The following PDILT variants were observed in gnomAD, a reference collection of about 807,000 sequenced individuals.
PDILT encodes the protein protein disulfide-isomerase-like protein of the testis.
PDILT carries 43 observed loss-of-function variants against 53.7 expected under a neutral mutation model. The ratio of observed to expected loss-of-function variants is 0.80; its 90% CI spans 0.63 to 1.03. PDILT has a LOEUF of 1.03. Ranked by LOEUF, PDILT falls within the 50% of genes least tolerant of loss-of-function variation. The probability of loss-of-function intolerance (pLI) is 0.00; values close to 1 mark genes in which losing one functional copy is unlikely to be tolerated. For missense variants in PDILT, 727 were observed against 712.3 expected (o/e 1.02, Z -0.24); for synonymous variants, 282 against 274.2 (o/e 1.03, Z -0.28).
chr16:20,388,998 A>G, intron 2 of PDILT: 1 of 152,122 alleles, frequency 6.6e-6, no homozygotes, highest in Non-Finnish European at 1.5e-5. Flanking sequence ...ATGAATGCAT[A>G]CACTCCTCAG....
intron 1 of PDILT, among the ~76,000 whole-genome samples, chr16:20,399,858 C>A (rs930984053): frequency 1.3e-5 from 2 of 151,800 alleles, no homozygotes; most frequent in African/African-American, 2.4e-5. Context: ...ATAATACACA[C>A]TTGTAAAAGT....
chr16:20,404,523 G>A lies in PDILT; in HGVS notation c.-35C>T, dbSNP rs576520081. 1 of 152,406 alleles carries A rather than the reference G, an allele frequency of 6.6e-6. No individual in the cohort carries two copies. Among genetic ancestry groups the A allele is most frequent in the African/African-American group, 2.4e-5 (1 of 41,552 alleles). 9.4% of individuals were successfully genotyped at this position (152,406 alleles called of 1,614,324 possible). A position where few individuals can be genotyped will look rare whatever the true frequency, so the allele number is the denominator to read the frequency against. The stretch of plus-strand genomic sequence containing the variant: ...GCAGGAAGCCAAGGCCACTCCCAGG[G>A]TTCCTGGGGCCAAGGTGGGGCTGTG... On this transcript the variant is annotated 5_prime_UTR_variant, in exon 1 of 12. Transcript: ENST00000302451.
chr16:20,373,210 G>C, intron 5 of PDILT, 88 bp from the exon 6 acceptor site: 1 of 1,135,340 alleles, frequency 8.8e-7, no homozygotes, highest in South Asian at 1.4e-5. Flanking sequence ...TTTCTCCTTG[G>C]ATAAAAGGAA....
At chr16:20,402,333 C>G (rs1966753783) in intron 1 of PDILT, among the ~76,000 whole-genome samples, 1 of 135,678 alleles carries the variant, frequency 7.4e-6, no homozygotes, top group African/African-American at 3.0e-5. Context: ...GGGTCTCGCT[C>G]TGTCGCCCAG....
At chr16:20,385,880 G>A (rs1408407854) in intron 2 of PDILT, 1 of 152,228 alleles carries the variant, frequency 6.6e-6, no homozygotes, top group Admixed American at 6.5e-5. Flanking sequence ...AAAAAATTCT[G>A]TGGTCAGAAA....
intron 7 of PDILT, among the ~76,000 whole-genome samples, chr16:20,370,108 AATT>A (rs1043585885): frequency 5.3e-5 from 8 of 152,236 alleles, no homozygotes; most frequent in Non-Finnish European, 8.8e-5. Context: ...TTATTTGAAT[AATT>A]ATTATTCAAA....
At chr16:20,362,092 A>G (rs1344507515) in intron 10 of PDILT, among the ~76,000 whole-genome samples, 1 of 152,192 alleles carries the variant, frequency 6.6e-6, no homozygotes, top group East Asian at 1.9e-4. Context: ...TCAGATAGTT[A>G]GGGCAGAGCT....
At chr16:20,372,727 G>A in intron 7 of PDILT, 75 bp downstream of exon 7, 1 of 1,521,484 alleles carries the variant, frequency 6.6e-7, no homozygotes, top group Non-Finnish European at 8.9e-7. Context: ...AGCAGGGCAG[G>A]CAAATGGGCT....
chr16:20,384,961 G>A (rs370848242), intron 2 of PDILT, 110 bp from the exon 3 acceptor site: 59 of 987,152 alleles, frequency 6.0e-5, no homozygotes, highest in Admixed American at 2.3e-4. Context: ...TGTGCTCAGC[G>A]GTTAATGGCT....
chr16:20,365,308 G>T, intron 9 of PDILT, 112 bp downstream of exon 9: 1 of 1,203,544 alleles, frequency 8.3e-7, no homozygotes, highest in African/African-American at 1.5e-5. Context: ...GACCATCCTT[G>T]GCATGGTGCA....
Position 20,384,837 on chromosome 16 carries a change from T to C in PDILT, c.217A>G (p.Lys73Glu), listed in dbSNP as rs146719463. The C allele has an allele frequency of 2.1e-4, 343 of 1,614,186 alleles. 1 individual carries two copies. The Middle Eastern group carries it at 2.1e-3, about 10-fold the overall frequency. The change falls in exon 3 of 12, where the codon AAG becomes GAG. Residue 73 changes from lysine to glutamate, a missense_variant. Transcript: ENST00000302451. Reference protein sequence around the residue: ...LMVLFHNPSSKQSRNLAEELG... With the variant: ...LMVLFHNPSSEQSRNLAEELG... ...TCTTCCGCCAAGTTCCTGGATTGCTTTGAGGATGGGTTGTCTGAAAGAGTA... is the reference window on the plus strand; with the variant it reads ...TCTTCCGCCAAGTTCCTGGATTGCTCTGAGGATGGGTTGTCTGAAAGAGTA...
chr16:20,360,826 TA>T (rs1347541012), intron 10 of PDILT, among the ~76,000 whole-genome samples, 169 bp from the exon 11 acceptor site: 1 of 152,136 alleles, frequency 6.6e-6, no homozygotes, highest in Non-Finnish European at 1.5e-5. Context: ...GGAAGGATAA[TA>T]AAAATGCTTC....
chr16:20,361,460 C>T lies in PDILT; in HGVS notation c.1417-803G>A, dbSNP rs560184675. Reference sequence around the variant, plus strand: ...AGGCTCCCAACGTAATGAGATTACACGCGTTGAGACACCACGCCCGACTCC... The same window carrying T: ...AGGCTCCCAACGTAATGAGATTACATGCGTTGAGACACCACGCCCGACTCC... On this transcript the variant is annotated intron_variant, in intron 10 of 11. Coordinates refer to ENST00000302451, the MANE Select transcript of PDILT (RefSeq NM_174924.2). Among the ~76,000 whole-genome samples the T allele has an allele frequency of 5.3e-5, 8 of 152,098 alleles. No individual in the cohort carries two copies. The South Asian group carries it at 1.5e-3, about 28-fold the overall frequency.
intron 1 of PDILT, among the ~76,000 whole-genome samples, chr16:20,400,516 A>C (rs1421481076): frequency 1.3e-5 from 2 of 149,762 alleles, no homozygotes; most frequent in Non-Finnish European, 3.0e-5. Flanking sequence ...ACTCAATCTC[A>C]CTCCAGACCA....
intron 7 of PDILT, 130 bp from the exon 8 acceptor site, chr16:20,369,819 C>T: frequency 1.1e-6 from 1 of 883,264 alleles, no homozygotes; most frequent in Non-Finnish European, 1.8e-6. Flanking sequence ...GTAACAAAGG[C>T]AGGTGGAGCT....
In PDILT at chr16:20,373,133, A is replaced by G. The variant is rs751375287; in HGVS notation, c.682-11T>C. 3.7e-6 allele frequency: 6 copies of G among 1,604,000 alleles called. No homozygotes were observed. The Admixed American group carries it at 5.0e-5, about 13-fold the overall frequency. Reference sequence around the variant, plus strand: ...GTTCACAATTTTTCCCTTGTACAAAAGGAGAAACATATTGGAGGACAGTAG... The same window carrying G: ...GTTCACAATTTTTCCCTTGTACAAAGGGAGAAACATATTGGAGGACAGTAG... On this transcript the variant is annotated splice_polypyrimidine_tract_variant and intron_variant, in intron 5 of 11. Coordinates refer to ENST00000302451, the MANE Select transcript of PDILT (RefSeq NM_174924.2).
chr16:20,394,337 T>C (rs962867451), intron 2 of PDILT, among the ~76,000 whole-genome samples: 1 of 152,192 alleles, frequency 6.6e-6, no homozygotes, highest in Non-Finnish European at 1.5e-5. Context: ...TGCCCAGCTT[T>C]GAGTTGTTTC....
Position 20,373,062 on chromosome 16 carries a change from G to T in PDILT, c.742C>A (p.Arg248Ser). The T allele has an allele frequency of 6.2e-7, 1 of 1,614,124 alleles. No individual in the cohort carries two copies. Among genetic ancestry groups the T allele is most frequent in the Non-Finnish European group, 8.5e-7 (1 of 1,179,994 alleles). ...TCTGTAAGGTGCTGTTTTATGACACGATTGAGTTCCTGTTTGTTGGTACTG... is the reference window on the plus strand; with the variant it reads ...TCTGTAAGGTGCTGTTTTATGACACTATTGAGTTCCTGTTTGTTGGTACTG... ...NDSTNKQELNRVIKQHLTDFV... is the reference protein window; with the variant it reads ...NDSTNKQELNSVIKQHLTDFV... Residue 248 changes from arginine (R) to serine (S), a missense_variant, in exon 6 of 12, where the codon CGT becomes AGT. By Grantham distance (110) the Arg-to-Ser change is moderately radical (BLOSUM62 -1). Coordinates refer to ENST00000302451, the MANE Select transcript of PDILT (RefSeq NM_174924.2).
At chr16:20,368,545 C>T (rs1966251391) in intron 8 of PDILT, among the ~76,000 whole-genome samples, 1 of 152,016 alleles carries the variant, frequency 6.6e-6, no homozygotes, top group Admixed American at 6.6e-5. Context: ...GGTAAGGGGA[C>T]CATCATTTGG....
Sources: allele counts gnomAD v4.1 joint callset (sites outside exome capture counted in the v4.1 genomes callset), GRCh38; gene constraint gnomAD v4.1.1; transcripts MANE v1.5; gene names NCBI Gene and HGNC (gene_info 2026-07-23, HGNC 2026-07-21).